Variants in SFTPB observed in about 807,000 individuals in gnomAD.
SFTPB encodes the protein surfactant protein B, also known as pulmonary surfactant-associated protein B.
A neutral mutation model predicts 51.0 loss-of-function variants in SFTPB; 32 were observed. The ratio of observed to expected loss-of-function variants is 0.63; its 90% confidence interval spans 0.47 to 0.84. The LOEUF (loss-of-function observed/expected upper bound fraction) is 0.84, where lower values mean the gene tolerates loss of function less well. Among genes scored for constraint, SFTPB ranks in the 40% least tolerant of loss-of-function variants. The probability of loss-of-function intolerance (pLI) is 0.00; values close to 1 mark genes in which losing one functional copy is unlikely to be tolerated. For missense variants in SFTPB, 431 were observed against 491.2 expected (o/e 0.88, Z 1.16); for synonymous variants, 211 against 208.5 (o/e 1.01, Z -0.10).
At chr2:85,662,840 C>CAAA (rs34015129) in intron 8 of SFTPB, among the ~76,000 whole-genome samples, 6 of 27,644 alleles carry the variant, frequency 2.2e-4, no homozygotes, top group Non-Finnish European at 5.1e-4. Flanking sequence ...AACTCCATCT[C>CAAA]AAAAAAAAAA....
intron 6 of SFTPB, among the ~76,000 whole-genome samples, chr2:85,664,528 G>T (rs924780507): frequency 6.6e-6 from 1 of 152,122 alleles, no homozygotes; most frequent in South Asian, 2.1e-4. Flanking sequence ...ACAGTGGCGT[G>T]ATGTCGGCTC....
chr2:85,662,056 C>T lies in SFTPB; in HGVS notation c.1056G>A (p.Arg352=). The T allele has an allele frequency of 1.9e-6, 3 of 1,602,510 alleles. No individual in the cohort carries two copies. The highest frequency in any genetic ancestry group is 3.3e-4 in the Middle Eastern group (2 of 6,012). The part of the protein sequence containing the change: ...HTPQLLTLVP[R]GWDAHTTCQA... Reference sequence around the variant, plus strand: ...GGCAGGTGGTGTGGGCATCCCAGCCCCTGGGCACCAGGGTCAGCAGCTGGG... The same window carrying T: ...GGCAGGTGGTGTGGGCATCCCAGCCTCTGGGCACCAGGGTCAGCAGCTGGG... Residue 352 remains arginine (R), a synonymous_variant, in exon 9 of 11, where the codon AGG becomes AGA. Coordinates refer to ENST00000519937, the MANE Select transcript of SFTPB (RefSeq NM_000542.5).
At chr2:85,660,396 A>G (rs144474802) in intron 10 of SFTPB, among the ~76,000 whole-genome samples, 6,087 of 148,212 alleles carry the variant, frequency 0.041, 170 homozygotes, top group Middle Eastern at 0.088. Context: ...CGGTCTCCCA[A>G]AGTGCTGGGA....
intron 9 of SFTPB, 144 bp downstream of exon 9, chr2:85,661,885 A>T (rs1677321911): frequency 4.3e-6 from 3 of 704,234 alleles, no homozygotes; most frequent in Non-Finnish European, 7.3e-6. Flanking sequence ...TGAAACAGAG[A>T]GGGGTGCCTC....
At chr2:85,663,605 G>A in intron 7 of SFTPB, 59 bp downstream of exon 7, 1 of 1,592,534 alleles carries the variant, frequency 6.3e-7, no homozygotes. Flanking sequence ...GTCATGCAGT[G>A]GCAGGGTAGG....
At chr2:85,666,329 CTG>C (rs1303030073) in intron 4 of SFTPB, among the ~76,000 whole-genome samples, 11 of 114,584 alleles carry the variant, frequency 9.6e-5, no homozygotes, top group Admixed American at 5.8e-4. Flanking sequence ...GGCTGGGGTA[CTG>C]TGTGTGTGTA....
chr2:85,663,393 G>T lies in SFTPB; in HGVS notation c.955C>A (p.Gln319Lys), dbSNP rs561113178. 3 of 1,613,820 alleles carry T rather than the reference G, an allele frequency of 1.9e-6. No homozygotes were observed. Among genetic ancestry groups the T allele is most frequent in the East Asian group, 4.5e-5 (2 of 44,884 alleles). Reference sequence around the variant, plus strand: ...CCAACACAGGCCTGGAGCATTGCCTGTGGTATGGCCTGCTCGCTGCTGTTC... The same window carrying T: ...CCAACACAGGCCTGGAGCATTGCCTTTGGTATGGCCTGCTCGCTGCTGTTC... ...AGNSSEQAIP[Q>K]AMLQACVGSW... is the part of the protein sequence containing the mutation. The change falls in exon 8 of 11, where the codon CAG becomes AAG. Residue 319 changes from glutamine to lysine, a missense_variant. Transcript: ENST00000519937.
chr2:85,665,913 T>C lies in SFTPB; in HGVS notation c.394-119A>G. 3 of 936,550 alleles carry C rather than the reference T, an allele frequency of 3.2e-6. No individual in the cohort carries two copies. The South Asian group carries it at 4.6e-5, about 14-fold the overall frequency. 58.0% of individuals were successfully genotyped at this position (936,550 alleles called of 1,614,324 possible). The stretch of plus-strand genomic sequence containing the variant: ...GAGGAAGCAGGCCTAGTGGGGGTGC[T>C]GTGGTTTAGAACTCTATGTGGGGGG... On this transcript the variant is annotated intron_variant, in intron 4 of 10. Coordinates refer to ENST00000519937, the MANE Select transcript of SFTPB (RefSeq NM_000542.5).
chr2:85,657,690 A>C lies in SFTPB; in HGVS notation c.*2012T>G, dbSNP rs1677116075. On this transcript the variant is annotated 3_prime_UTR_variant, in exon 11 of 11. Coordinates refer to ENST00000519937, the MANE Select transcript of SFTPB (RefSeq NM_000542.5). Reference sequence around the variant, plus strand: ...ACTACCAAACAGGCTTTGTGTGAACAATAAAGCTTTTTAATCACCTGGGTG... The same window carrying C: ...ACTACCAAACAGGCTTTGTGTGAACCATAAAGCTTTTTAATCACCTGGGTG... 1 of 152,182 alleles carries C rather than the reference A, an allele frequency of 6.6e-6. No individual in the cohort carries two copies. Among genetic ancestry groups the C allele is most frequent in the Admixed American group, 6.6e-5 (1 of 15,266 alleles). 9.4% of individuals were successfully genotyped at this position (152,182 alleles called of 1,614,324 possible).
intron 10 of SFTPB, among the ~76,000 whole-genome samples, chr2:85,660,913 G>A (rs1677263385): frequency 3.3e-5 from 5 of 152,158 alleles, no homozygotes; most frequent in Admixed American, 2.0e-4. Context: ...CAGCCTCCAG[G>A]CACCTGTTCA....
chr2:85,663,330 T>C lies in SFTPB; in HGVS notation c.1002+16A>G. 1 of 1,608,820 alleles carries C rather than the reference T, an allele frequency of 6.2e-7. No homozygotes were observed. ...AACGGGCCCTGACCATGAGTCCCCA[T>C]GTGCCCAGCCCATACCTTTTCCCTG... On this transcript the variant is annotated intron_variant, in intron 8 of 10. Coordinates refer to ENST00000519937, the MANE Select transcript of SFTPB (RefSeq NM_000542.5).
chr2:85,665,224 G>A (rs1677511254), intron 6 of SFTPB, 65 bp downstream of exon 6: 2 of 1,176,344 alleles, frequency 1.7e-6, no homozygotes, highest in African/African-American at 1.5e-5. Context: ...GGAGAGAGGT[G>A]GGAGCTGCAG....
upstream of SFTPB, chr2:85,668,238 G>A (rs534925921): frequency 3.7e-5 from 55 of 1,501,224 alleles, no homozygotes; most frequent in African/African-American, 4.4e-4. Flanking sequence ...ATAGCTGGGC[G>A]GGGCGTGGGG....
At chr2:85,666,247 G>GTC (rs1406255433) in intron 4 of SFTPB, among the ~76,000 whole-genome samples, 2 of 145,506 alleles carry the variant, frequency 1.4e-5, no homozygotes, top group South Asian at 2.2e-4. Flanking sequence ...GTGTGTGTGT[G>GTC]TGTCTGGCTG....
chr2:85,660,288 ATTTTTTTTTT>A (rs60518418), intron 10 of SFTPB, among the ~76,000 whole-genome samples: 5 of 80,574 alleles, frequency 6.2e-5, no homozygotes, highest in South Asian at 4.1e-4. Context: ...CATCTGGCTA[ATTTTTTTTTT>A]TTTTTTTTTT....
intron 10 of SFTPB, among the ~76,000 whole-genome samples, chr2:85,659,984 TTGTGA>T (rs1345938830): frequency 2.0e-5 from 3 of 152,136 alleles, no homozygotes; most frequent in African/African-American, 7.2e-5. Flanking sequence ...CCACAGGGGC[TTGTGA>T]TGCAGGGTTT....
In SFTPB at chr2:85,657,842, C is replaced by G. The variant is rs1677121501; in HGVS notation, c.*1860G>C. 2.0e-5 allele frequency: 3 copies of G among 147,224 alleles called. No individual in the cohort carries two copies. The highest frequency in any genetic ancestry group is 4.5e-5 in the Non-Finnish European group (3 of 66,814). The allele number at this position is 147,224 out of a possible 1,614,324, so 9.1% of individuals were successfully genotyped here. On this transcript the variant is annotated 3_prime_UTR_variant, in exon 11 of 11. Transcript: ENST00000519937. Reference sequence around the variant, plus strand: ...GGCAGGGGGTGGATCTTACAAAGCACATTCTCAATGGCGGAGAGAATATTA... The same window carrying G: ...GGCAGGGGGTGGATCTTACAAAGCAGATTCTCAATGGCGGAGAGAATATTA...
chr2:85,665,703 T>A lies in SFTPB; in HGVS notation c.485A>T (p.Lys162Ile). ...QEPGMSDPLP[K>I]PLRDPLPDPL... ...GTCTGGCAGAGGGTCCCGCAGAGGT[T>A]TGGGCAGGGGGTCTGACATCCCTGG... Residue 162 changes from lysine (K) to isoleucine (I), a missense_variant, in exon 5 of 11, where the codon AAA becomes ATA. Lys to Ile is a moderately radical substitution (Grantham distance 102). Coordinates refer to ENST00000519937, the MANE Select transcript of SFTPB (RefSeq NM_000542.5). The A allele has an allele frequency of 6.8e-6, 11 of 1,614,152 alleles. No individual in the cohort carries two copies. Among genetic ancestry groups the A allele is most frequent in the Non-Finnish European group, 9.3e-6 (11 of 1,180,028 alleles).
rs1677612288 is a variant in SFTPB at position 85,666,377 on chromosome 2, GGCCAGC to G, written c.393+234_393+239del. ...TAGGGTGCTGTGTGTGTGTGTGTCC[GGCCAGC>G]TGGGGTACTGTGTGTGTGTGTGTCC... On this transcript the variant is annotated intron_variant, in intron 4 of 10. Transcript: ENST00000519937. 2.2e-5 allele frequency among the ~76,000 whole-genome samples: 3 copies of G among 137,274 alleles called. 1 individual carries two copies. Among genetic ancestry groups the G allele is most frequent in the Non-Finnish European group, 4.7e-5 (3 of 64,454 alleles). 90.1% of individuals were successfully genotyped at this position (137,274 alleles called of 152,430 possible). A position where few individuals can be genotyped will look rare whatever the true frequency, so the allele number is the denominator to read the frequency against.
Sources: gnomAD v4.1 joint callset for allele counts (sites outside exome capture counted in the v4.1 genomes callset) on GRCh38, gnomAD v4.1.1 for gene constraint, MANE v1.5 for transcripts, NCBI Gene and HGNC (gene_info 2026-07-23, HGNC 2026-07-21) for gene names.